SMARCD2: variants seen among roughly 807,000 people sequenced by gnomAD.
SMARCD2 encodes SWI/SNF related BAF chromatin remodeling complex subunit D2.
In SMARCD2, 39 loss-of-function variants were observed where a neutral mutation model predicts 70.4. The observed-to-expected ratio is 0.55, with a 90% CI of 0.43 to 0.72. The LOEUF is 0.72. Ranked by LOEUF, SMARCD2 falls within the 30% of genes least tolerant of loss-of-function variation. SMARCD2 has a pLI of 0.00. For missense variants in SMARCD2, 540 were observed against 713.4 expected (o/e 0.76, Z 2.77); for synonymous variants, 249 against 279.4 (o/e 0.89, Z 1.08).
Position 63,837,927 on chromosome 17 carries a change from C to G in SMARCD2, c.217-302G>C, listed in dbSNP as rs1212586545. ...TTGGGGAGCTTTTCAGGGCCCATTG[C>G]TACCTTCCAGCCCCAGCATGCTGTG... On this transcript the variant is annotated intron_variant, in intron 1 of 12. Transcript: ENST00000448276. The surrounding 1 kb of genome is among the most constrained non-coding windows in gnomAD (Gnocchi z 6.4). Among the ~76,000 whole-genome samples the G allele has an allele frequency of 6.6e-6, 1 of 152,174 alleles. No homozygotes were observed. Among genetic ancestry groups the G allele is most frequent in the Non-Finnish European group, 1.5e-5 (1 of 68,022 alleles).
chr17:63,842,524 C>T lies in SMARCD2; in HGVS notation c.151G>A (p.Val51Met). 8.2e-7 allele frequency: 1 copy of T among 1,217,758 alleles called. No individual in the cohort carries two copies. The highest frequency in any genetic ancestry group is 3.2e-4 in the Middle Eastern group (1 of 3,096). The allele number at this position is 1,217,758 out of a possible 1,614,324, so 75.4% of individuals were successfully genotyped here. A position where few individuals can be genotyped will look rare whatever the true frequency, so the allele number is the denominator to read the frequency against. Residue 51 changes from valine (V) to methionine (M), a missense_variant, in exon 1 of 13, where the codon GTG becomes ATG. Physicochemically the swap from Val to Met is conservative, Grantham distance 21. Transcript: ENST00000448276. The stretch of plus-strand genomic sequence containing the variant: ...AAGGCGGCGGCCCCGGGGCCCCCCA[C>T]GCCTCCTGCCGGACCCGGTCCCCGG... ...ALRGPGPAGG[V>M]GGPGAAAFRP...
intron 1 of SMARCD2, among the ~76,000 whole-genome samples, chr17:63,838,432 T>G (rs1324969761): frequency 6.6e-6 from 1 of 152,038 alleles, no homozygotes. Flanking sequence ...ACTCTGCCAG[T>G]GGTCCAGGCA....
At position 63,832,826 on chromosome 17, in the gene SMARCD2, A is replaced by T; in HGVS notation, c.*112T>A. On this transcript the variant is annotated 3_prime_UTR_variant, in exon 13 of 13. Transcript: ENST00000448276. The stretch of plus-strand genomic sequence containing the variant: ...TTATAAGACTAAAGCTGGAGAGTAG[A>T]GGGTGACAGCAGACACTCCTCACCC... 1 of 833,462 alleles carries T rather than the reference A, an allele frequency of 1.2e-6. No homozygotes were observed. Among genetic ancestry groups the T allele is most frequent in the Non-Finnish European group, 2.0e-6 (1 of 496,122 alleles). 51.6% of individuals were successfully genotyped at this position (833,462 alleles called of 1,614,324 possible).
chr17:63,835,120 C>T (rs1319975712), intron 5 of SMARCD2: 25 of 533,672 alleles, frequency 4.7e-5, no homozygotes, highest in Non-Finnish European at 7.6e-5. Context: ...GCCCAAGTGT[C>T]TGGCCCAGTC....
At position 63,835,462 on chromosome 17, in the gene SMARCD2, C is replaced by T. The variant is rs980191323; in HGVS notation, c.673G>A (p.Asp225Asn). The change falls in exon 5 of 13, where the codon GAC (aspartate) becomes AAC (asparagine). Residue 225 changes from aspartate to asparagine, a missense_variant. By Grantham distance (23) the Asp-to-Asn change is conservative. Coordinates refer to ENST00000448276, the MANE Select transcript of SMARCD2 (RefSeq NM_001098426.2). Reference sequence around the variant, plus strand: ...CGGAGTTCCCAGGAAGCCACCTTGTCCCCTGCTGGGGTTCCCCCAGGGGTC... The same window carrying T: ...CGGAGTTCCCAGGAAGCCACCTTGTTCCCTGCTGGGGTTCCCCCAGGGGTC... ...AGTPGGTPAG[D>N]KVASWELRVE... The T allele has an allele frequency of 5.0e-6, 8 of 1,613,814 alleles. No individual in the cohort carries two copies. The highest frequency in any genetic ancestry group is 6.8e-6 in the Non-Finnish European group (8 of 1,179,838).
chr17:63,838,013 CCTT>C (rs1303900574), intron 1 of SMARCD2, among the ~76,000 whole-genome samples: 4 of 152,282 alleles, frequency 2.6e-5, no homozygotes, highest in African/African-American at 9.6e-5. Flanking sequence ...GCCCTGCCCT[CCTT>C]CTCTTTCTCC....
intron 4 of SMARCD2, 132 bp downstream of exon 4, chr17:63,836,790 G>A (rs192795697): frequency 2.2e-4 from 166 of 755,296 alleles, no homozygotes; most frequent in Non-Finnish European, 2.2e-4. Context: ...AACTGAGTTC[G>A]TACTCTACTA....
At position 63,835,542 on chromosome 17, in the gene SMARCD2, A is replaced by G; in HGVS notation, c.593T>C (p.Ile198Thr). Residue 198 changes from isoleucine to threonine, a missense_variant, in exon 5 of 13, where the codon ATT becomes ACT. Coordinates refer to ENST00000448276, the MANE Select transcript of SMARCD2 (RefSeq NM_001098426.2). The part of the protein sequence containing the change: ...LTQKRKLRIY[I>T]SNTFSPSKAE... The stretch of plus-strand genomic sequence containing the variant: ...CTTGCTGGGACTGAACGTATTGGAA[A>G]TGTAGATCCGAAGCTTTCGCTTTTG... 1 of 1,613,982 alleles carries G rather than the reference A, an allele frequency of 6.2e-7. No individual in the cohort carries two copies. The highest frequency in any genetic ancestry group is 8.5e-7 in the Non-Finnish European group (1 of 1,179,874).
chr17:63,835,034 G>GT, intron 5 of SMARCD2: 1 of 566,848 alleles, frequency 1.8e-6, no homozygotes, highest in Non-Finnish European at 3.1e-6. Context: ...CAGGAACACT[G>GT]TAATAACCAC....
chr17:63,842,240 G>A, intron 1 of SMARCD2: 1 of 768,844 alleles, frequency 1.3e-6, no homozygotes, highest in East Asian at 5.2e-5. Context: ...AAGCCCCCAG[G>A]CCTCCCAGCT....
intron 4 of SMARCD2, among the ~76,000 whole-genome samples, chr17:63,836,233 A>T (rs1353609007): frequency 6.6e-6 from 1 of 151,490 alleles, no homozygotes; most frequent in African/African-American, 2.4e-5. Context: ...TTATTAAGAA[A>T]AGCTTCTCGG....
chr17:63,838,741 T>C, intron 1 of SMARCD2: 1 of 1,290,466 alleles, frequency 7.7e-7, no homozygotes, highest in Non-Finnish European at 9.9e-7. Context: ...CCCTGGCAGC[T>C]TCACAGGGCT....
chr17:63,838,703 T>C (rs2040296052), intron 1 of SMARCD2: 1 of 1,389,570 alleles, frequency 7.2e-7, no homozygotes, highest in Non-Finnish European at 9.4e-7. Context: ...GCAAGGCCTG[T>C]TTGGCAGCTC....
chr17:63,833,803 G>C lies in SMARCD2; in HGVS notation c.1182-81C>G. 2 of 1,586,874 alleles carry C rather than the reference G, an allele frequency of 1.3e-6. No homozygotes were observed. The highest frequency in any genetic ancestry group is 2.2e-5 in the South Asian group (2 of 90,306). On this transcript the variant is annotated intron_variant, in intron 9 of 12. Coordinates refer to ENST00000448276, the MANE Select transcript of SMARCD2 (RefSeq NM_001098426.2). The surrounding 1 kb of genome is among the most constrained non-coding windows in gnomAD (Gnocchi z 4.3). ...GGGCCAAATCTGGGGCCCATTCTCT[G>C]CACACACTCAGGGAAAAAGAAACCT...
Position 63,833,795 on chromosome 17 carries a change from C to T in SMARCD2, c.1182-73G>A. On this transcript the variant is annotated intron_variant, in intron 9 of 12. Transcript: ENST00000448276. This position sits in a 1 kb window ranked among gnomAD's most constrained non-coding sequence, Gnocchi z 4.3. ...GCCCACCTGGGCCAAATCTGGGGCC[C>T]ATTCTCTGCACACACTCAGGGAAAA... 3 of 1,596,118 alleles carry T rather than the reference C, an allele frequency of 1.9e-6. No individual in the cohort carries two copies. Among genetic ancestry groups the T allele is most frequent in the African/African-American group, 1.3e-5 (1 of 74,630 alleles).
chr17:63,832,708 G>T lies in SMARCD2; in HGVS notation c.*230C>A, dbSNP rs559556928. 130 of 581,860 alleles carry T rather than the reference G, an allele frequency of 2.2e-4. No homozygotes were observed. The highest frequency in any genetic ancestry group is 1.8e-3 in the African/African-American group (97 of 53,648). 36.0% of individuals were successfully genotyped at this position (581,860 alleles called of 1,614,324 possible). On this transcript the variant is annotated 3_prime_UTR_variant, in exon 13 of 13. Coordinates refer to ENST00000448276, the MANE Select transcript of SMARCD2 (RefSeq NM_001098426.2). The stretch of plus-strand genomic sequence containing the variant: ...AGTCCTACTTGGGCCTGCCTGCAGG[G>T]GGGCAGAGGAGGCATCTGCTGAACC...
Position 63,839,236 on chromosome 17 carries a change from T to G in SMARCD2, c.217-1611A>C, listed in dbSNP as rs1904342438. Reference sequence around the variant, plus strand: ...TCCCAGACTAGTTTTTCCTAGTGCCTGAGACAAAGACAGGGAAGAACTGAA... The same window carrying G: ...TCCCAGACTAGTTTTTCCTAGTGCCGGAGACAAAGACAGGGAAGAACTGAA... On this transcript the variant is annotated intron_variant, in intron 1 of 12. Coordinates refer to ENST00000448276, the MANE Select transcript of SMARCD2 (RefSeq NM_001098426.2). 8.1e-6 allele frequency: 8 copies of G among 985,234 alleles called. No individual in the cohort carries two copies. In the South Asian group the frequency reaches 3.8e-4, roughly 46 times the overall value. 61.0% of individuals were successfully genotyped at this position (985,234 alleles called of 1,614,324 possible). A position where few individuals can be genotyped will look rare whatever the true frequency, so the allele number is the denominator to read the frequency against.
Position 63,837,721 on chromosome 17 carries a change from G to A in SMARCD2, c.217-96C>T. 1.0e-6 allele frequency: 1 copy of A among 1,004,782 alleles called. No homozygotes were observed. The highest frequency in any genetic ancestry group is 3.2e-4 in the Middle Eastern group (1 of 3,158). 62.2% of individuals were successfully genotyped at this position (1,004,782 alleles called of 1,614,324 possible). A position where few individuals can be genotyped will look rare whatever the true frequency, so the allele number is the denominator to read the frequency against. Reference sequence around the variant, plus strand: ...TCCATCCCTCTCGTCAGCCAGGTAGGGCCTGAGCAGCACACCAGAGCCCTG... The same window carrying A: ...TCCATCCCTCTCGTCAGCCAGGTAGAGCCTGAGCAGCACACCAGAGCCCTG... On this transcript the variant is annotated intron_variant, in intron 1 of 12. Transcript: ENST00000448276. This position sits in a 1 kb window ranked among gnomAD's most constrained non-coding sequence, Gnocchi z 6.4.
Position 63,842,576 on chromosome 17 carries a change from T to A in SMARCD2, c.99A>T (p.Gly33=). ...AALGAPPPPA[G]PGMLPGPALR... ...GCGCCGGTCCGGGCAGCATGCCGGG[T>A]CCCGCGGGGGGAGGCGGCGCTCCCA... The change falls in exon 1 of 13, where the codon GGA becomes GGT. Residue 33 remains glycine (G), a synonymous_variant. Coordinates refer to ENST00000448276, the MANE Select transcript of SMARCD2 (RefSeq NM_001098426.2). The A allele has an allele frequency of 8.3e-7, 1 of 1,206,208 alleles. No homozygotes were observed. The highest frequency in any genetic ancestry group is 1.0e-6 in the Non-Finnish European group (1 of 971,876). 74.7% of individuals were successfully genotyped at this position (1,206,208 alleles called of 1,614,324 possible).
Sources: allele counts gnomAD v4.1 joint callset (sites outside exome capture counted in the v4.1 genomes callset), GRCh38; gene constraint gnomAD v4.1.1; non-coding constraint Gnocchi (gnomAD v3.1); transcripts MANE v1.5; gene names NCBI Gene and HGNC (gene_info 2026-07-23, HGNC 2026-07-21).